Variants in KIF22 observed in about 807,000 individuals in gnomAD.
KIF22 encodes kinesin-like protein KIF22.
KIF22 carries 62 observed loss-of-function variants against 73.0 expected under a neutral mutation model. That is an observed-to-expected ratio of 0.85 (90% confidence interval 0.69 to 1.05). The LOEUF is 1.05. KIF22 is among the 50% of genes least tolerant of loss of function. The pLI is 0.00. For synonymous variants in KIF22, 411 were observed against 340.1 expected, an observed-to-expected ratio of 1.21 and a Z score of -2.29; for missense variants, 854 against 870.1, an observed-to-expected ratio of 0.98 and a Z score of 0.23.
Position 29,804,899 on chromosome 16 carries a change from G to A in KIF22, c.1763G>A (p.Gly588Glu), listed in dbSNP as rs373411892. Residue 588 changes from glycine to glutamate, a missense_variant, in exon 12 of 14, where the codon GGG becomes GAG. By Grantham distance (98) the Gly-to-Glu change is moderately conservative (BLOSUM62 -2). Around this residue, in one of 3 missense-constraint regions of KIF22, gnomAD observed 423 missense variants for 365.4 expected, o/e 1.16. Transcript: ENST00000160827. ...ATCAGCCCGGAGCTACTGGCTCATG[G>A]GCGCCAAAAAATACTGGATCTGCTG... Reference protein sequence around the residue: ...LQISPELLAHGRQKILDLLNE... With the variant: ...LQISPELLAHERQKILDLLNE... 6.1e-5 allele frequency: 98 copies of A among 1,613,830 alleles called. No individual in the cohort carries two copies. The highest frequency in any genetic ancestry group is 5.9e-5 in the Non-Finnish European group (70 of 1,180,016).
chr16:29,804,801 C>T lies in KIF22; in HGVS notation c.1678-13C>T, dbSNP rs768137964. On this transcript the variant is annotated splice_polypyrimidine_tract_variant and intron_variant, in intron 11 of 13. Coordinates refer to ENST00000160827, the MANE Select transcript of KIF22 (RefSeq NM_007317.3). Reference sequence around the variant, plus strand: ...GCTGCCCTGCGTGTCACTCATCTCCCTTTGCCTCCCAGCTGGAGTCCCTGG... The same window carrying T: ...GCTGCCCTGCGTGTCACTCATCTCCTTTTGCCTCCCAGCTGGAGTCCCTGG... The T allele has an allele frequency of 1.9e-6, 3 of 1,589,956 alleles. No individual in the cohort carries two copies. The highest frequency in any genetic ancestry group is 2.7e-5 in the African/African-American group (2 of 74,250).
chr16:29,804,748 G>A (rs1899292612), intron 11 of KIF22, 66 bp from the exon 12 acceptor site: 1 of 1,315,666 alleles, frequency 7.6e-7, no homozygotes, highest in African/African-American at 1.5e-5. Flanking sequence ...TGGGCTCCTA[G>A]TCTTGGCAGA....
chr16:29,804,616 G>T (rs1046599574), intron 11 of KIF22, 198 bp from the exon 12 acceptor site: 1 of 697,960 alleles, frequency 1.4e-6, no homozygotes, highest in Non-Finnish European at 2.6e-6. Context: ...ACTGGGTACT[G>T]AGTAGTACCT....
chr16:29,790,868 CTGGAGTT>C, intron 1 of KIF22, 39 bp downstream of exon 1: 1 of 1,574,292 alleles, frequency 6.4e-7, no homozygotes. Flanking sequence ...GTACCGACGT[CTGGAGTT>C]TAGTGGGAGT....
rs752098611 is a variant in KIF22, at chr16:29,802,735, A to C, written c.1281-34A>C. On this transcript the variant is annotated intron_variant, in intron 8 of 13. Coordinates refer to ENST00000160827, the MANE Select transcript of KIF22 (RefSeq NM_007317.3). ...CTGCTGTAGGTGGTGATGAGGGAGG[A>C]GGTAGGTGGGGAGCAACTTCTTTTT... The C allele has an allele frequency of 1.3e-5, 20 of 1,520,234 alleles. No homozygotes were observed. In the East Asian group the frequency reaches 4.8e-4, roughly 37 times the overall value. 94.2% of individuals were successfully genotyped at this position (1,520,234 alleles called of 1,614,324 possible). A position where few individuals can be genotyped will look rare whatever the true frequency, so the allele number is the denominator to read the frequency against.
At chr16:29,794,177 T>C (rs1898892368) in intron 1 of KIF22, among the ~76,000 whole-genome samples, 2 of 152,222 alleles carry the variant, frequency 1.3e-5, no homozygotes, top group Admixed American at 1.3e-4. Context: ...AGGGTTCATA[T>C]AAAGCACTTT....
chr16:29,804,804 T>A lies in KIF22; in HGVS notation c.1678-10T>A. On this transcript the variant is annotated splice_polypyrimidine_tract_variant and intron_variant, in intron 11 of 13. Coordinates refer to ENST00000160827, the MANE Select transcript of KIF22 (RefSeq NM_007317.3). ...GCCCTGCGTGTCACTCATCTCCCTT[T>A]GCCTCCCAGCTGGAGTCCCTGGATG... 1 of 1,593,744 alleles carries A rather than the reference T, an allele frequency of 6.3e-7. No homozygotes were observed. The highest frequency in any genetic ancestry group is 1.3e-5 in the African/African-American group (1 of 74,444).
At position 29,802,955 on chromosome 16, in the gene KIF22, G is replaced by A. The variant is rs750680224; in HGVS notation, c.1449+18G>A. 2 of 1,609,300 alleles carry A rather than the reference G, an allele frequency of 1.2e-6. No individual in the cohort carries two copies. The highest frequency in any genetic ancestry group is 3.4e-5 in the Admixed American group (2 of 59,536). On this transcript the variant is annotated intron_variant, in intron 9 of 13. Coordinates refer to ENST00000160827, the MANE Select transcript of KIF22 (RefSeq NM_007317.3). ...AGATTGAGGTACGTGTTTTAGGGAT[G>A]TGGGAGCTGGATTCCTATTGGCCTT...
chr16:29,802,267 CAAAAAAAAAA>C lies in KIF22; in HGVS notation c.1281-486_1281-477del, dbSNP rs71389599. On this transcript the variant is annotated intron_variant, in intron 8 of 13. Transcript: ENST00000160827. Reference sequence around the variant, plus strand: ...TGGGTGACAGAGCAAGACCCTGTCTCAAAAAAAAAAAAAAAAAAAAAAAAAGAATGTTAAG... The same window carrying C: ...TGGGTGACAGAGCAAGACCCTGTCTCAAAAAAAAAAAAAAAGAATGTTAAG... 8.6e-3 allele frequency among the ~76,000 whole-genome samples: 292 copies of C among 33,904 alleles called. 1 individual carries two copies. The highest frequency in any genetic ancestry group is 0.037 in the Admixed American group (124 of 3,378). 22.2% of individuals were successfully genotyped at this position (33,904 alleles called of 152,430 possible).
At chr16:29,800,812 A>G (rs2035309928) in intron 8 of KIF22, among the ~76,000 whole-genome samples, 1 of 152,156 alleles carries the variant, frequency 6.6e-6, no homozygotes, top group South Asian at 2.1e-4. Context: ...ATTCTACTCC[A>G]TTGAATCACT....
At position 29,790,846 on chromosome 16, in the gene KIF22, TG is replaced by T. The variant is rs1898791726; in HGVS notation, c.70+20del. ...CGATCTCAGGTACTTGAGCCCGGCC[TG>T]GGCAAGGCGGGTACCGACGTCTGGA... On this transcript the variant is annotated intron_variant, in intron 1 of 13. Transcript: ENST00000160827. 6.3e-7 allele frequency: 1 copy of T among 1,594,572 alleles called. No homozygotes were observed. The highest frequency in any genetic ancestry group is 8.5e-7 in the Non-Finnish European group (1 of 1,170,512).
chr16:29,802,267 C>CAAAAAAA, intron 8 of KIF22, among the ~76,000 whole-genome samples: 1 of 33,912 alleles, frequency 2.9e-5, no homozygotes, highest in Non-Finnish European at 5.8e-5. Context: ...GACCCTGTCT[C>CAAAAAAA]AAAAAAAAAA....
Position 29,803,493 on chromosome 16 carries a change from C to G in KIF22, c.1494C>G (p.Ala498=), listed in dbSNP as rs752724053. Reference sequence around the variant, plus strand: ...AAGAACTGGAGGCCAAGATGTTGGCCCAGAAGGCTGAGGAAAAGGAGAACC... The same window carrying G: ...AAGAACTGGAGGCCAAGATGTTGGCGCAGAAGGCTGAGGAAAAGGAGAACC... ...KQKELEAKML[A]QKAEEKENHC... Residue 498 remains alanine, a synonymous_variant, in exon 10 of 14, where the codon GCC becomes GCG. Coordinates refer to ENST00000160827, the MANE Select transcript of KIF22 (RefSeq NM_007317.3). The G allele has an allele frequency of 1.2e-6, 2 of 1,614,156 alleles. No individual in the cohort carries two copies. Among genetic ancestry groups the G allele is most frequent in the Admixed American group, 3.3e-5 (2 of 60,022 alleles).
chr16:29,794,868 G>T (rs562970895), intron 1 of KIF22, among the ~76,000 whole-genome samples: 1 of 152,004 alleles, frequency 6.6e-6, no homozygotes, highest in African/African-American at 2.4e-5. Context: ...GAACCACTGC[G>T]CCCGGCCAAA....
chr16:29,799,861 A>G, intron 7 of KIF22, 52 bp from the exon 8 acceptor site: 3 of 1,612,556 alleles, frequency 1.9e-6, no homozygotes, highest in South Asian at 1.1e-5. Context: ...GCATCAGCAC[A>G]GAGGCTGACC....
chr16:29,803,202 TTGAGGAC>T (rs1171705586), intron 9 of KIF22, among the ~76,000 whole-genome samples: 3 of 152,200 alleles, frequency 2.0e-5, no homozygotes, highest in Admixed American at 2.0e-4. Flanking sequence ...GCTCAATTAA[TTGAGGAC>T]TGTGCTTGAA....
In KIF22 at chr16:29,802,883, G is replaced by T. The variant is rs778617888; in HGVS notation, c.1395G>T (p.Lys465Asn). 2 of 1,612,620 alleles carry T rather than the reference G, an allele frequency of 1.2e-6. No homozygotes were observed. The highest frequency in any genetic ancestry group is 2.2e-5 in the South Asian group (2 of 90,696). The part of the protein sequence containing the change: ...SQGAPLLSTP[K>N]RERMVLMKTV... ...GGGCCCCTCTGTTGAGTACCCCAAAGCGAGAGCGGATGGTGCTAATGAAGA... is the reference window on the plus strand; with the variant it reads ...GGGCCCCTCTGTTGAGTACCCCAAATCGAGAGCGGATGGTGCTAATGAAGA... Residue 465 changes from lysine (K) to asparagine (N), a missense_variant, in exon 9 of 14, where the codon AAG becomes AAT. Lys to Asn is a moderately conservative substitution (Grantham distance 94). Around this residue, in one of 3 missense-constraint regions of KIF22, gnomAD observed 423 missense variants for 365.4 expected, o/e 1.16. Coordinates refer to ENST00000160827, the MANE Select transcript of KIF22 (RefSeq NM_007317.3).
Position 29,798,682 on chromosome 16 carries a change from G to A in KIF22, c.484G>A (p.Gly162Ser). 6.2e-7 allele frequency: 1 copy of A among 1,614,184 alleles called. No homozygotes were observed. Among genetic ancestry groups the A allele is most frequent in the Non-Finnish European group, 8.5e-7 (1 of 1,180,034 alleles). Reference protein sequence around the residue: ...MDLLQLTREEGAEGRPWALSV... With the variant: ...MDLLQLTREESAEGRPWALSV... ...CCTCCTGCAGCTCACAAGGGAGGAG[G>A]GTGCCGAGGGCCGGCCATGGGCCCT... Residue 162 changes from glycine (G) to serine (S), a missense_variant, in exon 4 of 14, where the codon GGT (glycine) becomes AGT (serine). Gly to Ser is a moderately conservative substitution (Grantham distance 56). Around this residue, in one of 3 missense-constraint regions of KIF22, gnomAD observed 245 missense variants for 351.8 expected, o/e 0.70. Coordinates refer to ENST00000160827, the MANE Select transcript of KIF22 (RefSeq NM_007317.3). This position sits in a 1 kb window ranked among gnomAD's most constrained non-coding sequence, Gnocchi z 4.1.
chr16:29,798,339 C>T lies in KIF22; in HGVS notation c.267-35C>T. The stretch of plus-strand genomic sequence containing the variant: ...ACACACACACACACACACACACACA[C>T]ACACACACGCTAATTTCTTTCTTTC... On this transcript the variant is annotated intron_variant, in intron 2 of 13. Transcript: ENST00000160827. This position sits in a 1 kb window ranked among gnomAD's most constrained non-coding sequence, Gnocchi z 4.1. 1 of 1,579,692 alleles carries T rather than the reference C, an allele frequency of 6.3e-7. No individual in the cohort carries two copies. Among genetic ancestry groups the T allele is most frequent in the Non-Finnish European group, 8.6e-7 (1 of 1,164,214 alleles).
Sources: allele counts gnomAD v4.1 joint callset (sites outside exome capture counted in the v4.1 genomes callset), GRCh38; gene constraint gnomAD v4.1.1; regional missense constraint gnomAD v4.1.1; non-coding constraint Gnocchi (gnomAD v3.1); transcripts MANE v1.5; gene names NCBI Gene and HGNC (gene_info 2026-07-23, HGNC 2026-07-21).